MYO1E: variants seen among roughly 807,000 people sequenced by gnomAD.
MYO1E encodes the protein myosin IE, also known as unconventional myosin-Ie.
A neutral mutation model predicts 151.1 loss-of-function variants in MYO1E; 68 were observed. The ratio of observed to expected loss-of-function variants is 0.45; its 90% CI spans 0.37 to 0.55. The LOEUF (loss-of-function observed/expected upper bound fraction) is 0.55. Ranked by LOEUF, MYO1E falls within the 20% of genes least tolerant of loss-of-function variation. The pLI, the probability that MYO1E is intolerant of heterozygous loss-of-function variation, is 0.00. For synonymous variants in MYO1E, 601 were observed against 501.7 expected (o/e 1.20, Z -2.64); for missense variants, 1,363 against 1,389.3 (o/e 0.98, Z 0.30).
chr15:59,183,478 G>C (rs558220366), intron 18 of MYO1E, among the ~76,000 whole-genome samples: 7 of 152,158 alleles, frequency 4.6e-5, no homozygotes, highest in Admixed American at 1.3e-4. Flanking sequence ...GGGATTACAG[G>C]CATGAGCCAC....
chr15:59,158,072 T>C lies in MYO1E; in HGVS notation c.2878+215A>G, dbSNP rs1179867157. Among the ~76,000 whole-genome samples, 3 of 152,234 alleles carry C rather than the reference T, an allele frequency of 2.0e-5. No homozygotes were observed. The East Asian group carries it at 5.8e-4, about 29-fold the overall frequency. ...ATATTTCGAGGTAATGAAATCCAGA[T>C]TGCAAACTCAGCCGCAGTTCAGTCT... On this transcript the variant is annotated intron_variant, in intron 25 of 27. Coordinates refer to ENST00000288235, the MANE Select transcript of MYO1E (RefSeq NM_004998.4).
intron 1 of MYO1E, among the ~76,000 whole-genome samples, chr15:59,369,915 A>C (rs1186140774): frequency 1.3e-5 from 2 of 152,154 alleles, no homozygotes; most frequent in Admixed American, 6.5e-5. Flanking sequence ...ACACAGAAGA[A>C]GTCCACGGTA....
intron 20 of MYO1E, 88 bp downstream of exon 20, chr15:59,174,038 C>A (rs2079610564): frequency 1.3e-6 from 2 of 1,488,360 alleles, no homozygotes; most frequent in Non-Finnish European, 1.9e-6. Flanking sequence ...ACATTATATG[C>A]AAAATAAAAT....
intron 1 of MYO1E, among the ~76,000 whole-genome samples, chr15:59,331,567 A>C (rs1009768856): frequency 2.6e-5 from 4 of 152,212 alleles, no homozygotes; most frequent in African/African-American, 9.6e-5. Context: ...TTGATTATCA[A>C]CACCAGCCCC....
chr15:59,234,432 A>T (rs2080049714), intron 5 of MYO1E, among the ~76,000 whole-genome samples: 1 of 152,252 alleles, frequency 6.6e-6, no homozygotes, highest in African/African-American at 2.4e-5. Flanking sequence ...CGCAAACAAA[A>T]GATAGAAAGA....
rs1018621118 is a variant in MYO1E at position 59,205,551 on chromosome 15, T to C, written c.1531-66A>G. On this transcript the variant is annotated intron_variant, in intron 14 of 27. Coordinates refer to ENST00000288235, the MANE Select transcript of MYO1E (RefSeq NM_004998.4). The stretch of plus-strand genomic sequence containing the variant: ...ATGTAATTAATTGAACAAAATCATT[T>C]ATTGAACAAAAAATCTAATTTCACC... 24 of 1,437,426 alleles carry C rather than the reference T, an allele frequency of 1.7e-5. No homozygotes were observed. In the Admixed American group the frequency reaches 3.0e-4, roughly 18 times the overall value. 89.0% of individuals were successfully genotyped at this position (1,437,426 alleles called of 1,614,324 possible).
At chr15:59,215,969 C>T (rs1299462270) in intron 10 of MYO1E, among the ~76,000 whole-genome samples, 1 of 152,160 alleles carries the variant, frequency 6.6e-6, no homozygotes, top group Non-Finnish European at 1.5e-5. Context: ...GACAACCTAA[C>T]TGCATGACTT....
chr15:59,253,256 T>C (rs1308846203), intron 4 of MYO1E, among the ~76,000 whole-genome samples: 1 of 152,180 alleles, frequency 6.6e-6, no homozygotes, highest in African/African-American at 2.4e-5. Context: ...TCCCACATAG[T>C]TTTTATTTGA....
At position 59,157,597 on chromosome 15, in the gene MYO1E, C is replaced by T. The variant is rs554302016; in HGVS notation, c.2878+690G>A. On this transcript the variant is annotated intron_variant, in intron 25 of 27. Coordinates refer to ENST00000288235, the MANE Select transcript of MYO1E (RefSeq NM_004998.4). ...CATGCTGTGTGTGCTACCCCATCAT[C>T]AGTCACTAAGCAGCCATCTTGTTAT... Among the ~76,000 whole-genome samples the T allele has an allele frequency of 3.3e-5, 5 of 152,248 alleles. No individual in the cohort carries two copies. In the East Asian group the frequency reaches 9.6e-4, roughly 29 times the overall value.
chr15:59,206,676 A>G, intron 14 of MYO1E: 1 of 479,520 alleles, frequency 2.1e-6, no homozygotes, highest in Non-Finnish European at 3.7e-6. Context: ...AAGCATGTCA[A>G]CTATTGATAA....
At chr15:59,303,982 CTTTT>C (rs35196401) in intron 1 of MYO1E, among the ~76,000 whole-genome samples, 4 of 132,650 alleles carry the variant, frequency 3.0e-5, no homozygotes, top group Admixed American at 7.6e-5. Context: ...TCTTTTCTTT[CTTTT>C]TTTTTTTTTT....
Position 59,136,023 on chromosome 15 carries a change from A to AC in MYO1E, c.*1356dup, listed in dbSNP as rs1288563057. 1 of 152,298 alleles carries AC rather than the reference A, an allele frequency of 6.6e-6. No individual in the cohort carries two copies. Among genetic ancestry groups the AC allele is most frequent in the Non-Finnish European group, 1.5e-5 (1 of 68,128 alleles). The allele number at this position is 152,298 out of a possible 1,614,324, so 9.4% of individuals were successfully genotyped here. A position where few individuals can be genotyped will look rare whatever the true frequency, so the allele number is the denominator to read the frequency against. ...CAGTTCTGGAGGTTGGAAGTCCAAG[A>AC]CCAAGGTGGGCAGGGCTGGTTCCTT... is the stretch of plus-strand genomic sequence containing the variant. On this transcript the variant is annotated 3_prime_UTR_variant, in exon 28 of 28. Transcript: ENST00000288235.
chr15:59,222,835 A>G (rs1465288554), intron 9 of MYO1E, among the ~76,000 whole-genome samples: 2 of 152,208 alleles, frequency 1.3e-5, no homozygotes, highest in Non-Finnish European at 2.9e-5. Context: ...TTCCATTAAT[A>G]ATCGATGGTG....
intron 23 of MYO1E, 32 bp from the exon 24 acceptor site, chr15:59,161,262 A>C: frequency 6.2e-7 from 1 of 1,610,222 alleles, no homozygotes; most frequent in South Asian, 1.1e-5. Context: ...TAACAGGTCG[A>C]AGGACGCAGT....
At chr15:59,263,087 G>A (rs1262399506) in intron 2 of MYO1E, among the ~76,000 whole-genome samples, 2 of 151,966 alleles carry the variant, frequency 1.3e-5, no homozygotes, top group African/African-American at 4.8e-5. Context: ...TCAATTTCAA[G>A]GTGTTTAGAA....
At chr15:59,231,905 AC>A in intron 5 of MYO1E, 114 bp from the exon 6 acceptor site, 2 of 956,444 alleles carry the variant, frequency 2.1e-6, no homozygotes, top group Non-Finnish European at 3.3e-6. Flanking sequence ...GGGGCCCCAC[AC>A]CCGTGTGTCA....
chr15:59,236,797 T>TC, intron 4 of MYO1E, 125 bp from the exon 5 acceptor site: 1 of 664,524 alleles, frequency 1.5e-6, no homozygotes, highest in Non-Finnish European at 2.4e-6. Flanking sequence ...AGAAAAGAAT[T>TC]TTTTTTTTTA....
At chr15:59,266,983 C>CT (rs1416642078) in intron 2 of MYO1E, 1 of 123,956 alleles carries the variant, frequency 8.1e-6, no homozygotes, top group Non-Finnish European at 1.7e-5. Flanking sequence ...TTTTAATAGT[C>CT]TTATTAGGCA....
intron 1 of MYO1E, among the ~76,000 whole-genome samples, chr15:59,368,678 G>A (rs985902842): frequency 2.6e-5 from 4 of 151,860 alleles, no homozygotes; most frequent in African/African-American, 7.3e-5. Context: ...ACCGGGAGGC[G>A]GAGGTTGCAG....
Sources: gnomAD v4.1 joint callset for allele counts (sites outside exome capture counted in the v4.1 genomes callset) on GRCh38, gnomAD v4.1.1 for gene constraint, MANE v1.5 for transcripts, NCBI Gene and HGNC (gene_info 2026-07-23, HGNC 2026-07-21) for gene names.